The following DNAJC1 variants were observed in gnomAD, a reference collection of about 807,000 sequenced individuals.
DNAJC1 encodes the protein DnaJ heat shock protein family (Hsp40) member C1.
Under a neutral mutation model 76.6 loss-of-function variants are expected in DNAJC1, and 58 were observed. The ratio of observed to expected loss-of-function variants is 0.76; its 90% CI spans 0.61 to 0.94. DNAJC1 has a LOEUF of 0.94. DNAJC1 is among the 40% of genes least tolerant of loss of function. The probability of loss-of-function intolerance (pLI) is 0.00; values close to 1 mark genes in which losing one functional copy is unlikely to be tolerated. For synonymous variants in DNAJC1, 258 were observed against 267.9 expected, an observed-to-expected ratio of 0.96 and a Z score of 0.36; for missense variants, 689 against 677.3, an observed-to-expected ratio of 1.02 and a Z score of -0.19.
chr10:21,863,086 C>T (rs1457959989), intron 8 of DNAJC1, among the ~76,000 whole-genome samples: 1 of 151,948 alleles, frequency 6.6e-6, no homozygotes, highest in African/African-American at 2.4e-5. Context: ...GTGCCGAGAT[C>T]GCGCCATTGC....
chr10:21,842,768 G>A (rs1330566221), intron 8 of DNAJC1, among the ~76,000 whole-genome samples: 1 of 152,112 alleles, frequency 6.6e-6, no homozygotes, highest in Non-Finnish European at 1.5e-5. Context: ...ATTAAGGATG[G>A]TCTCTAATAA....
chr10:21,855,439 A>G (rs1835819361), intron 8 of DNAJC1, among the ~76,000 whole-genome samples: 1 of 152,218 alleles, frequency 6.6e-6, no homozygotes, highest in Non-Finnish European at 1.5e-5. Flanking sequence ...TCAATAACAT[A>G]TATGATTTTC....
At chr10:21,778,115 G>C (rs549478791) in intron 9 of DNAJC1, among the ~76,000 whole-genome samples, 1 of 152,176 alleles carries the variant, frequency 6.6e-6, no homozygotes, top group African/African-American at 2.4e-5. Flanking sequence ...CTTGAACCCA[G>C]GAGGCAGAGG....
At chr10:21,828,649 T>C (rs1835303664) in intron 8 of DNAJC1, among the ~76,000 whole-genome samples, 1 of 152,198 alleles carries the variant, frequency 6.6e-6, no homozygotes, top group African/African-American at 2.4e-5. Flanking sequence ...TAATTCATAA[T>C]CAATCTTGTT....
chr10:21,893,927 G>T (rs1356460825), intron 7 of DNAJC1, among the ~76,000 whole-genome samples: 1 of 151,978 alleles, frequency 6.6e-6, no homozygotes, highest in Non-Finnish European at 1.5e-5. Flanking sequence ...ATCTGACAAA[G>T]GAAACAGAAG....
chr10:21,819,775 C>T (rs1408223634), intron 8 of DNAJC1, among the ~76,000 whole-genome samples: 2 of 151,892 alleles, frequency 1.3e-5, no homozygotes, highest in African/African-American at 2.4e-5. Context: ...ACCAAAAATA[C>T]AAAAATTAGC....
intron 1 of DNAJC1, among the ~76,000 whole-genome samples, chr10:21,965,047 C>G (rs1837868829): frequency 6.6e-6 from 1 of 152,132 alleles, no homozygotes; most frequent in South Asian, 2.1e-4. Flanking sequence ...ATCTCAGTCA[C>G]TATCTTTCAA....
chr10:21,979,652 A>G (rs981652892), intron 1 of DNAJC1, among the ~76,000 whole-genome samples: 1 of 151,982 alleles, frequency 6.6e-6, no homozygotes, highest in Non-Finnish European at 1.5e-5. Flanking sequence ...AGTAAGAAAT[A>G]ATGGAAAGTA....
chr10:21,768,345 A>G (rs893966153), intron 9 of DNAJC1, among the ~76,000 whole-genome samples: 7 of 152,222 alleles, frequency 4.6e-5, no homozygotes, highest in Non-Finnish European at 1.0e-4. Flanking sequence ...AAATGTCAGA[A>G]AGCATGATCA....
chr10:21,854,165 A>ACC, intron 8 of DNAJC1, among the ~76,000 whole-genome samples: 1 of 152,278 alleles, frequency 6.6e-6, no homozygotes, highest in South Asian at 2.1e-4. Context: ...GAAGAGAAAT[A>ACC]TAAGTCACCA....
chr10:21,826,219 C>G (rs1224651864), intron 8 of DNAJC1, among the ~76,000 whole-genome samples: 1 of 49,778 alleles, frequency 2.0e-5, no homozygotes, highest in South Asian at 7.0e-4. Flanking sequence ...GCCTGGGCAA[C>G]AAGAATGAGA....
chr10:21,912,693 TTAACTC>T lies in DNAJC1; in HGVS notation c.729+6080_729+6085del, dbSNP rs199995928. Among the ~76,000 whole-genome samples the T allele has an allele frequency of 6.8e-4, 104 of 152,236 alleles. 2 individuals carry two copies. The East Asian group carries it at 0.018, about 26-fold the overall frequency. On this transcript the variant is annotated intron_variant, in intron 6 of 11. Coordinates refer to ENST00000376980, the MANE Select transcript of DNAJC1 (RefSeq NM_022365.4). ...CTGCCTCATCCCTTGGAAAATCTGT[TTAACTC>T]TAAGTAGAAGGGCAGGCGACTCAGC...
chr10:21,787,646 T>C (rs1834629212), intron 9 of DNAJC1, among the ~76,000 whole-genome samples: 1 of 152,072 alleles, frequency 6.6e-6, no homozygotes, highest in South Asian at 2.1e-4. Context: ...AAGAAGGAAA[T>C]GCCAGGCCTC....
At chr10:21,871,307 C>G (rs1482136654) in intron 8 of DNAJC1, among the ~76,000 whole-genome samples, 1 of 150,290 alleles carries the variant, frequency 6.7e-6, no homozygotes, top group East Asian at 2.0e-4. Context: ...AAGCTCTCAC[C>G]TGCTGCTGAC....
At chr10:21,777,116 T>C (rs1381261814) in intron 9 of DNAJC1, among the ~76,000 whole-genome samples, 1 of 152,208 alleles carries the variant, frequency 6.6e-6, no homozygotes, top group African/African-American at 2.4e-5. Context: ...CCACAGACTA[T>C]GAGCTAAACC....
rs369776679 is a variant in DNAJC1 at position 21,949,505 on chromosome 10, C to T, written c.223-20364G>A. On this transcript the variant is annotated intron_variant, in intron 1 of 11. Coordinates refer to ENST00000376980, the MANE Select transcript of DNAJC1 (RefSeq NM_022365.4). Reference sequence around the variant, plus strand: ...GATCTCGGCTCACTGCAACCTCTGCCTCCAGAGTTCAAGTGATTCTTGTGT... The same window carrying T: ...GATCTCGGCTCACTGCAACCTCTGCTTCCAGAGTTCAAGTGATTCTTGTGT... Among the ~76,000 whole-genome samples, 171 of 146,476 alleles carry T rather than the reference C, an allele frequency of 1.2e-3. No homozygotes were observed. In the Middle Eastern group the frequency reaches 0.026, roughly 22 times the overall value.
chr10:21,948,470 G>T (rs1327901085), intron 1 of DNAJC1, among the ~76,000 whole-genome samples: 1 of 152,056 alleles, frequency 6.6e-6, no homozygotes, highest in Non-Finnish European at 1.5e-5. Flanking sequence ...CTAATTCCAG[G>T]CAGAGTGTGT....
chr10:21,893,915 G>A (rs1287617128), intron 7 of DNAJC1, among the ~76,000 whole-genome samples: 4 of 151,862 alleles, frequency 2.6e-5, no homozygotes, highest in Admixed American at 6.6e-5. Context: ...AACAACTGGC[G>A]AATCTGACAA....
chr10:21,837,593 C>G (rs1324124946), intron 8 of DNAJC1, among the ~76,000 whole-genome samples: 1 of 151,280 alleles, frequency 6.6e-6, no homozygotes. Context: ...AGCCTCTCTG[C>G]CCGGCCGCCC....
Sources: gnomAD v4.1 joint callset for allele counts (sites outside exome capture counted in the v4.1 genomes callset) on GRCh38, gnomAD v4.1.1 for gene constraint, MANE v1.5 for transcripts, NCBI Gene and HGNC (gene_info 2026-07-23, HGNC 2026-07-21) for gene names.